The following MIA2 variants were observed in gnomAD, a reference collection of about 807,000 sequenced individuals.
MIA2 encodes melanoma inhibitory activity protein 2.
MIA2 carries 127 observed loss-of-function variants against 167.8 expected under a neutral mutation model. That is an observed-to-expected ratio of 0.76 (90% CI 0.66 to 0.88). MIA2 has a LOEUF of 0.88. MIA2 is among the 40% of genes least tolerant of loss of function. The probability of loss-of-function intolerance (pLI) is 0.00; values close to 1 mark genes in which losing one functional copy is unlikely to be tolerated. For missense variants in MIA2, 1,690 were observed against 1,624.7 expected, an observed-to-expected ratio of 1.04 and a Z score of -0.69; for synonymous variants, 552 against 541.9, an observed-to-expected ratio of 1.02 and a Z score of -0.26.
downstream of MIA2, among the ~76,000 whole-genome samples, chr14:39,356,055 ATGC>A (rs1337582571): frequency 6.6e-6 from 1 of 152,178 alleles, no homozygotes; most frequent in Non-Finnish European, 1.5e-5. Context: ...TATCAGGATG[ATGC>A]TGCCCTCATA....
chr14:39,313,151 C>T (rs998836726), intron 18 of MIA2, among the ~76,000 whole-genome samples, 189 bp from the exon 19 acceptor site: 45 of 101,348 alleles, frequency 4.4e-4, no homozygotes, highest in East Asian at 9.8e-4. Flanking sequence ...TTTACAATTT[C>T]GGTTTATAAT....
rs1279602877 is a variant in MIA2 at position 39,276,967 on chromosome 14, G to T, written c.1921G>T (p.Asp641Tyr). The part of the protein sequence containing the change: ...VAALPEGMRP[D>Y]SNLYGFPWEL... The stretch of plus-strand genomic sequence containing the variant: ...AGCACTGCCTGAAGGTATGAGACCA[G>T]ATTCTAATCTTTATGGTTTTCCATG... The change falls in exon 7 of 29, where the codon GAT becomes TAT. Residue 641 changes from aspartate to tyrosine, a missense_variant. Coordinates refer to ENST00000640607, the MANE Select transcript of MIA2 (RefSeq NM_001329214.4). The T allele has an allele frequency of 1.2e-6, 2 of 1,613,908 alleles. No homozygotes were observed. The highest frequency in any genetic ancestry group is 1.7e-6 in the Non-Finnish European group (2 of 1,179,876).
chr14:39,347,490 A>G (rs1378952057), intron 26 of MIA2: 4 of 529,658 alleles, frequency 7.6e-6, no homozygotes, highest in Non-Finnish European at 1.3e-5. Context: ...TTGCTTAGGA[A>G]CTAGCCAGAG....
chr14:39,274,224 G>T (rs1455436933), intron 6 of MIA2, among the ~76,000 whole-genome samples: 1 of 151,966 alleles, frequency 6.6e-6, no homozygotes, highest in Non-Finnish European at 1.5e-5. Context: ...TTAAATTTCA[G>T]TTTATCAGAT....
intron 10 of MIA2, 93 bp downstream of exon 10, chr14:39,291,189 A>G (rs2274399): frequency 0.28 from 314,865 of 1,112,056 alleles, 46,857 homozygotes; most frequent in East Asian, 0.49. Flanking sequence ...ACTATTTGAA[A>G]AAAATGTGAA....
At chr14:39,276,860 C>T (rs908739756) in intron 6 of MIA2, 74 bp from the exon 7 acceptor site, 5 of 1,537,120 alleles carry the variant, frequency 3.3e-6, no homozygotes, top group African/African-American at 1.4e-5. Context: ...ACCACATAAA[C>T]TTGTACCTAT....
At chr14:39,243,365 A>G (rs2054145237) in intron 3 of MIA2, among the ~76,000 whole-genome samples, 1 of 152,170 alleles carries the variant, frequency 6.6e-6, no homozygotes, top group African/African-American at 2.4e-5. Flanking sequence ...AGTATTTACT[A>G]GAGACAGTTA....
intron 27 of MIA2, 44 bp downstream of exon 27, chr14:39,347,815 C>CTTAT: frequency 6.7e-6 from 7 of 1,048,904 alleles, no homozygotes; most frequent in African/African-American, 2.4e-5. Context: ...ATTCAGAAGC[C>CTTAT]TTCTTTTTTT....
chr14:39,350,061 A>C, intron 28 of MIA2, 37 bp from the exon 29 acceptor site: 1 of 849,292 alleles, frequency 1.2e-6, no homozygotes, highest in South Asian at 1.7e-5. Context: ...CAGGTTCTTA[A>C]AGTTAAAAAA....
At chr14:39,264,276 A>G (rs1384421371) in intron 6 of MIA2, among the ~76,000 whole-genome samples, 1 of 152,164 alleles carries the variant, frequency 6.6e-6, no homozygotes, top group African/African-American at 2.4e-5. Flanking sequence ...AAAGAATGTG[A>G]CTTCATTTTT....
At chr14:39,313,742 A>G (rs1471266135) in intron 19 of MIA2, among the ~76,000 whole-genome samples, 3 of 152,150 alleles carry the variant, frequency 2.0e-5, no homozygotes, top group African/African-American at 7.2e-5. Flanking sequence ...ATGAATAGAT[A>G]TTAATTTTAA....
intron 2 of MIA2, among the ~76,000 whole-genome samples, chr14:39,238,196 A>ACAGAGTC (rs916089877): frequency 2.7e-5 from 4 of 145,504 alleles, no homozygotes; most frequent in Non-Finnish European, 6.0e-5. Flanking sequence ...TTTTATTGAG[A>ACAGAGTC]CAGAGTCTCT....
At chr14:39,293,875 G>C in intron 11 of MIA2, 125 bp from the exon 12 acceptor site, 2 of 714,734 alleles carry the variant, frequency 2.8e-6, no homozygotes, top group Non-Finnish European at 4.8e-6. Context: ...AATAAACTGA[G>C]AAGGTTTCTT....
chr14:39,354,949 TTTTGG>T (rs1011922298), downstream of MIA2, among the ~76,000 whole-genome samples: 2 of 151,932 alleles, frequency 1.3e-5, no homozygotes, highest in African/African-American at 2.4e-5. Flanking sequence ...TACCATGCTG[TTTTGG>T]TTACTGTAGC....
At chr14:39,274,601 T>C (rs2057665399) in intron 6 of MIA2, among the ~76,000 whole-genome samples, 1 of 150,420 alleles carries the variant, frequency 6.6e-6, no homozygotes, top group Non-Finnish European at 1.5e-5. Flanking sequence ...AATTTTTGTA[T>C]TTTTGGTAGA....
intron 9 of MIA2, among the ~76,000 whole-genome samples, chr14:39,282,241 A>T (rs2059058994): frequency 1.3e-5 from 2 of 152,106 alleles, no homozygotes; most frequent in South Asian, 4.1e-4. Flanking sequence ...ATTTCAGATA[A>T]CTTTATGTAT....
At chr14:39,291,999 C>T (rs535302679) in intron 10 of MIA2, among the ~76,000 whole-genome samples, 14 of 152,250 alleles carry the variant, frequency 9.2e-5, no homozygotes, top group South Asian at 4.1e-4. Context: ...CACTGCTCTC[C>T]GTAATCATCA....
At chr14:39,302,367 T>A in intron 15 of MIA2, 118 bp downstream of exon 15, 1 of 1,159,410 alleles carries the variant, frequency 8.6e-7, no homozygotes, top group Non-Finnish European at 1.2e-6. Context: ...ATTCTGTCTG[T>A]CTGTGACACA....
intron 9 of MIA2, among the ~76,000 whole-genome samples, chr14:39,285,354 G>A (rs1303837614): frequency 2.7e-5 from 4 of 149,368 alleles, no homozygotes; most frequent in South Asian, 2.1e-4. Context: ...CCCACCTCCC[G>A]GACGGGGCGG....
Sources: gnomAD v4.1 joint callset for allele counts (sites outside exome capture counted in the v4.1 genomes callset) on GRCh38, gnomAD v4.1.1 for gene constraint, MANE v1.5 for transcripts, NCBI Gene and HGNC (gene_info 2026-07-23, HGNC 2026-07-21) for gene names.